Variants in RPS6KA2 observed in about 807,000 individuals in gnomAD.
The protein encoded by RPS6KA2 is ribosomal protein S6 kinase alpha-2.
Under a neutral mutation model 91.8 loss-of-function variants are expected in RPS6KA2, and 42 were observed. That is an observed-to-expected ratio of 0.46 (90% CI 0.36 to 0.59). RPS6KA2 has a LOEUF of 0.59. RPS6KA2 is among the 20% of genes least tolerant of loss of function. The pLI, the probability that RPS6KA2 is intolerant of heterozygous loss-of-function variation, is 0.00. For missense variants in RPS6KA2, 798 were observed against 978.5 expected, an observed-to-expected ratio of 0.82 and a Z score of 2.46; for synonymous variants, 414 against 393.6, an observed-to-expected ratio of 1.05 and a Z score of -0.61.
chr6:166,750,177 GT>G (rs928918790), intron 2 of RPS6KA2, among the ~76,000 whole-genome samples: 8 of 152,206 alleles, frequency 5.3e-5, no homozygotes, highest in African/African-American at 1.7e-4. Flanking sequence ...ATCCGCCTAG[GT>G]TTTGTTAGTT....
chr6:166,455,196 C>T (rs1046318794), intron 12 of RPS6KA2, among the ~76,000 whole-genome samples: 5 of 152,094 alleles, frequency 3.3e-5, no homozygotes, highest in Non-Finnish European at 5.9e-5. Context: ...CCACACGGTG[C>T]GGCAGGTGTG....
chr6:166,680,080 A>G (rs1305783355), intron 2 of RPS6KA2, among the ~76,000 whole-genome samples: 1 of 152,246 alleles, frequency 6.6e-6, no homozygotes, highest in Non-Finnish European at 1.5e-5. Flanking sequence ...CGCACCAATC[A>G]GCACTCTGTG....
At chr6:166,432,963 C>A (rs1226453881) in intron 14 of RPS6KA2, among the ~76,000 whole-genome samples, 1 of 147,032 alleles carries the variant, frequency 6.8e-6, no homozygotes, top group Non-Finnish European at 1.5e-5. Flanking sequence ...CCACTGCACT[C>A]CAGCCTGGGT....
Position 166,423,109 on chromosome 6 carries a change from G to A in RPS6KA2, c.1743+147C>T. The A allele has an allele frequency of 7.0e-6, 5 of 713,378 alleles. No homozygotes were observed. Among genetic ancestry groups the A allele is most frequent in the Non-Finnish European group, 1.1e-5 (5 of 449,754 alleles). 44.2% of individuals were successfully genotyped at this position (713,378 alleles called of 1,614,324 possible). On this transcript the variant is annotated intron_variant, in intron 17 of 20. Transcript: ENST00000265678. The surrounding 1 kb of genome is among the most constrained non-coding windows in gnomAD (Gnocchi z 4.8). ...TTGGCCCCTGGCTCAAGAGACTGAAGGTTCTCGTTTCTGTTTCCCAACACC... is the reference window on the plus strand; with the variant it reads ...TTGGCCCCTGGCTCAAGAGACTGAAAGTTCTCGTTTCTGTTTCCCAACACC...
chr6:166,804,536 AG>A (rs2128618730), intron 2 of RPS6KA2, among the ~76,000 whole-genome samples: 1 of 151,924 alleles, frequency 6.6e-6, no homozygotes, highest in South Asian at 2.1e-4. Context: ...TCCAAATTAA[AG>A]CTTTCTGTTA....
At chr6:166,859,932 G>T (rs991117715) in intron 1 of RPS6KA2, among the ~76,000 whole-genome samples, 1 of 152,198 alleles carries the variant, frequency 6.6e-6, no homozygotes, top group African/African-American at 2.4e-5. Flanking sequence ...CAGATTTTCC[G>T]ATGAGAAAAG....
At chr6:166,776,842 T>C (rs766095366) in intron 2 of RPS6KA2, among the ~76,000 whole-genome samples, 1 of 152,264 alleles carries the variant, frequency 6.6e-6, no homozygotes, top group Non-Finnish European at 1.5e-5. Flanking sequence ...CTCTTATCTT[T>C]TGGCGACTGT....
intron 3 of RPS6KA2, among the ~76,000 whole-genome samples, chr6:166,512,112 C>T (rs1253830770): frequency 3.3e-5 from 5 of 152,278 alleles, no homozygotes; most frequent in African/African-American, 1.2e-4. Context: ...CACAAACACA[C>T]ACACACACAC....
intron 10 of RPS6KA2, among the ~76,000 whole-genome samples, chr6:166,470,305 G>A (rs973606271): frequency 6.6e-6 from 1 of 152,208 alleles, no homozygotes; most frequent in Non-Finnish European, 1.5e-5. Flanking sequence ...GCAGAGCAGA[G>A]TTCCTGGCAA....
At chr6:166,441,170 C>G (rs1779507614) in intron 14 of RPS6KA2, among the ~76,000 whole-genome samples, 1 of 152,134 alleles carries the variant, frequency 6.6e-6, no homozygotes, top group South Asian at 2.1e-4. Context: ...ATGTTGCTTT[C>G]TTTCTTTTCT....
chr6:166,724,344 T>A (rs570345283), intron 2 of RPS6KA2, among the ~76,000 whole-genome samples: 1 of 152,332 alleles, frequency 6.6e-6, no homozygotes, highest in South Asian at 2.1e-4. Flanking sequence ...CAGCTAGCTC[T>A]TTGTTGTAGA....
intron 2 of RPS6KA2, among the ~76,000 whole-genome samples, chr6:166,850,669 C>T (rs1445465977): frequency 2.6e-5 from 4 of 152,212 alleles, no homozygotes; most frequent in South Asian, 2.1e-4. Flanking sequence ...TGAGCCCCTG[C>T]GTCCTCCTCA....
chr6:166,539,147 T>C (rs571634388), intron 1 of RPS6KA2, among the ~76,000 whole-genome samples: 11 of 152,288 alleles, frequency 7.2e-5, no homozygotes, highest in African/African-American at 1.9e-4. Flanking sequence ...CTCGATCTCC[T>C]GACCTCGCGA....
chr6:166,732,962 C>A lies in RPS6KA2; in HGVS notation c.123+125238G>T, dbSNP rs567419359. Reference sequence around the variant, plus strand: ...GCTTAGAGGAAATGAGGAACCGGAGCGGCTGGGGTGCAGGGTGGGAGGCAG... The same window carrying A: ...GCTTAGAGGAAATGAGGAACCGGAGAGGCTGGGGTGCAGGGTGGGAGGCAG... On this transcript the variant is annotated intron_variant, in intron 2 of 21. Coordinates refer to the RPS6KA2 transcript ENST00000503859. This position sits in a 1 kb window ranked among gnomAD's most constrained non-coding sequence, Gnocchi z 4.0. Among the ~76,000 whole-genome samples, 2 of 152,116 alleles carry A rather than the reference C, an allele frequency of 1.3e-5. No homozygotes were observed. The highest frequency in any genetic ancestry group is 1.3e-4 in the Admixed American group (2 of 15,278).
At chr6:166,467,147 TTCAC>T (rs758270215) in intron 11 of RPS6KA2, among the ~76,000 whole-genome samples, 13 of 145,936 alleles carry the variant, frequency 8.9e-5, no homozygotes, top group Admixed American at 4.7e-4. Context: ...AACTCATTCA[TTCAC>T]TCACTCATTA....
chr6:166,741,186 C>T (rs148901075), intron 2 of RPS6KA2, among the ~76,000 whole-genome samples: 1 of 152,238 alleles, frequency 6.6e-6, no homozygotes, highest in Non-Finnish European at 1.5e-5. Context: ...CCATTCTATG[C>T]ACCGTTTATA....
Position 166,858,355 on chromosome 6 carries a change from T to C in RPS6KA2, c.64-96A>G, listed in dbSNP as rs1370885590. ...CCAATATGAAAAAGTACTAACTAAATATCCCGCATGATTTCTGTAGGACAT... is the reference window on the plus strand; with the variant it reads ...CCAATATGAAAAAGTACTAACTAAACATCCCGCATGATTTCTGTAGGACAT... On this transcript the variant is annotated intron_variant, in intron 1 of 21. Coordinates refer to the RPS6KA2 transcript ENST00000503859. 4 of 686,836 alleles carry C rather than the reference T, an allele frequency of 5.8e-6. No individual in the cohort carries two copies. The East Asian group carries it at 1.0e-4, about 18-fold the overall frequency. The allele number at this position is 686,836 out of a possible 1,614,324, so 42.5% of individuals were successfully genotyped here. A position where few individuals can be genotyped will look rare whatever the true frequency, so the allele number is the denominator to read the frequency against.
chr6:166,806,266 T>C (rs138481846), intron 2 of RPS6KA2, among the ~76,000 whole-genome samples: 68 of 152,228 alleles, frequency 4.5e-4, no homozygotes, highest in Middle Eastern at 3.4e-3. Flanking sequence ...AATATTAGCA[T>C]CCAAGAAATT....
At chr6:166,715,286 C>T (rs1789979003) in intron 2 of RPS6KA2, among the ~76,000 whole-genome samples, 1 of 152,182 alleles carries the variant, frequency 6.6e-6, no homozygotes, top group Non-Finnish European at 1.5e-5. Flanking sequence ...GAGGCATGGA[C>T]GGTAGCTGCC....
Sources: allele counts gnomAD v4.1 joint callset (sites outside exome capture counted in the v4.1 genomes callset), GRCh38; gene constraint gnomAD v4.1.1; non-coding constraint Gnocchi (gnomAD v3.1); transcripts MANE v1.5; gene names NCBI Gene and HGNC (gene_info 2026-07-23, HGNC 2026-07-21).